The following CDKL1 variants were observed in gnomAD, a reference collection of about 807,000 sequenced individuals.
CDKL1 encodes cyclin dependent kinase like 1, also known as cyclin-dependent kinase-like 1.
CDKL1 carries 41 observed loss-of-function variants against 42.0 expected under a neutral mutation model. The observed-to-expected ratio is 0.98, with a 90% CI of 0.76 to 1.27. The LOEUF (loss-of-function observed/expected upper bound fraction) is 1.27. CDKL1 is among the 50% of genes most tolerant of loss of function. CDKL1 has a pLI of 0.00. For missense variants in CDKL1, 394 were observed against 428.4 expected (o/e 0.92, Z 0.71); for synonymous variants, 153 against 158.6 (o/e 0.96, Z 0.26).
intron 2 of CDKL1, among the ~76,000 whole-genome samples, chr14:50,391,691 C>CA (rs1316459838): frequency 1.3e-5 from 2 of 152,114 alleles, no homozygotes; most frequent in Non-Finnish European, 2.9e-5. Flanking sequence ...CCTAAATTGT[C>CA]TTTTTTTATG....
At chr14:50,349,326 T>C (rs1037053794) in intron 3 of CDKL1, among the ~76,000 whole-genome samples, 1 of 152,190 alleles carries the variant, frequency 6.6e-6, no homozygotes, top group Non-Finnish European at 1.5e-5. Flanking sequence ...GAATAAAGCA[T>C]GTGAGGGCAA....
chr14:50,385,374 A>T (rs529804385), intron 2 of CDKL1, among the ~76,000 whole-genome samples: 1 of 152,352 alleles, frequency 6.6e-6, no homozygotes, highest in South Asian at 2.1e-4. Flanking sequence ...AATCATTTGG[A>T]AACAGCCAGT....
At chr14:50,383,553 A>G (rs1375447292) in intron 2 of CDKL1, among the ~76,000 whole-genome samples, 6 of 8,732 alleles carry the variant, frequency 6.9e-4, no homozygotes, top group Non-Finnish European at 1.5e-3. Context: ...ACTGTCTCAA[A>G]AAAAAAAAAA....
chr14:50,338,673 C>T (rs1028798056), intron 7 of CDKL1, among the ~76,000 whole-genome samples: 10 of 152,144 alleles, frequency 6.6e-5, no homozygotes, highest in Non-Finnish European at 1.0e-4. Context: ...TCTAAGCTAC[C>T]TAGGTTCAAC....
Position 50,359,132 on chromosome 14 carries a change from G to T in CDKL1, c.186C>A (p.Asn62Lys). ...IRMLKQLKHP[N>K]LVNLLEVFRR... ...TGAAGACTTCCAGGAGGTTAACAAG[G>T]TTGGGATGCTTGAGTTGCTGAAAAC... Residue 62 changes from asparagine (N) to lysine (K), a missense_variant, in exon 3 of 10, where the codon AAC becomes AAA. Physicochemically the swap from Asn to Lys is moderately conservative, Grantham distance 94 (BLOSUM62 0). Coordinates refer to ENST00000395834, the MANE Select transcript of CDKL1 (RefSeq NM_004196.7). The T allele has an allele frequency of 6.2e-7, 1 of 1,608,908 alleles. No individual in the cohort carries two copies. Among genetic ancestry groups the T allele is most frequent in the Non-Finnish European group, 8.5e-7 (1 of 1,177,190 alleles).
chr14:50,357,665 A>G (rs1156874979), intron 3 of CDKL1, among the ~76,000 whole-genome samples: 2 of 152,152 alleles, frequency 1.3e-5, no homozygotes, highest in African/African-American at 2.4e-5. Context: ...CTCTTTCTCT[A>G]GCAACAGTAA....
chr14:50,331,987 A>C (rs2032969653), intron 9 of CDKL1: 1 of 1,496,278 alleles, frequency 6.7e-7, no homozygotes, highest in South Asian at 1.3e-5. Context: ...CTGGACTCAT[A>C]CTCATGTACC....
rs565871081 is a variant in CDKL1, at chr14:50,358,290, C to T, written c.290+738G>A. On this transcript the variant is annotated intron_variant, in intron 3 of 9. Transcript: ENST00000395834. ...GAAACCAAAGAAATCCTGAGTAATA[C>T]AGCAGAGTAGACACCCGGATTGCTT... is the stretch of plus-strand genomic sequence containing the variant. 31 of 413,566 alleles carry T rather than the reference C, an allele frequency of 7.5e-5. 2 individuals are homozygous for T. Among genetic ancestry groups the T allele is most frequent in the South Asian group, 6.5e-4 (30 of 46,026 alleles). The allele number at this position is 413,566 out of a possible 1,614,324, so 25.6% of individuals were successfully genotyped here.
At chr14:50,331,808 C>T (rs183442292) in intron 9 of CDKL1, 9 of 560,426 alleles carry the variant, frequency 1.6e-5, no homozygotes, top group Admixed American at 6.8e-5. Flanking sequence ...CAAAAGCACT[C>T]ATCACTGTAT....
chr14:50,368,865 C>CA (rs1566598276), intron 2 of CDKL1, among the ~76,000 whole-genome samples: 18 of 148,600 alleles, frequency 1.2e-4, no homozygotes, highest in Admixed American at 6.8e-5. Context: ...TAGTTGCCAA[C>CA]CTTTTTTTTT....
chr14:50,343,089 C>A, intron 4 of CDKL1: 1 of 1,259,576 alleles, frequency 7.9e-7, no homozygotes, highest in African/African-American at 1.6e-5. Context: ...AGAATCTTCA[C>A]ATGATTTTCT....
At chr14:50,342,497 C>A in intron 4 of CDKL1, 3 of 1,035,970 alleles carry the variant, frequency 2.9e-6, no homozygotes, top group Non-Finnish European at 3.7e-6. Context: ...ACAGGACACC[C>A]AGTTAAATTT....
chr14:50,355,135 T>C (rs1339268385), intron 3 of CDKL1, among the ~76,000 whole-genome samples: 1 of 152,140 alleles, frequency 6.6e-6, no homozygotes, highest in East Asian at 1.9e-4. Context: ...ATAAGCTTTA[T>C]TCTTAATGGG....
chr14:50,353,711 T>C (rs2139433611), intron 3 of CDKL1, among the ~76,000 whole-genome samples: 1 of 152,026 alleles, frequency 6.6e-6, no homozygotes, highest in Non-Finnish European at 1.5e-5. Context: ...TATGTATAGA[T>C]AGGGAGAAAG....
chr14:50,370,025 CT>C (rs112624842), intron 2 of CDKL1, among the ~76,000 whole-genome samples: 2,225 of 150,512 alleles, frequency 0.015, 62 homozygotes, highest in African/African-American at 0.049. Flanking sequence ...AAATACTTAC[CT>C]TTTTTTTTGT....
intron 7 of CDKL1, chr14:50,336,194 T>A (rs1403070718): frequency 1.5e-6 from 2 of 1,355,526 alleles, no homozygotes; most frequent in African/African-American, 3.0e-5. Flanking sequence ...GGCCTCCCTC[T>A]GTCAGGGTTA....
chr14:50,344,468 GTTTT>G (rs138592023), intron 4 of CDKL1, among the ~76,000 whole-genome samples: 7 of 130,856 alleles, frequency 5.3e-5, no homozygotes, highest in African/African-American at 5.8e-5. Flanking sequence ...GTTCTTTGTG[GTTTT>G]TTTTTTTTTT....
At chr14:50,358,073 T>A (rs1326499445) in intron 3 of CDKL1, 25 of 1,360,694 alleles carry the variant, frequency 1.8e-5, no homozygotes, top group Non-Finnish European at 2.4e-5. Context: ...TCCTCCTTTT[T>A]TCTTTTTCTT....
intron 2 of CDKL1, among the ~76,000 whole-genome samples, chr14:50,385,534 G>A (rs913481749): frequency 5.3e-5 from 8 of 152,110 alleles, no homozygotes; most frequent in East Asian, 1.9e-4. Flanking sequence ...GGCCAGGCGT[G>A]GTGGCTCACA....
Sources: allele counts gnomAD v4.1 joint callset (sites outside exome capture counted in the v4.1 genomes callset), GRCh38; gene constraint gnomAD v4.1.1; transcripts MANE v1.5; gene names NCBI Gene and HGNC (gene_info 2026-07-23, HGNC 2026-07-21).